ERBB4: variants seen among roughly 807,000 people sequenced by gnomAD.
The protein encoded by ERBB4 is receptor tyrosine-protein kinase erbB-4.
A neutral mutation model predicts 158.0 loss-of-function variants in ERBB4; 42 were observed. That is an observed-to-expected ratio of 0.27 (90% CI 0.21 to 0.34). The LOEUF (loss-of-function observed/expected upper bound fraction) is 0.34, where lower values mean the gene tolerates loss of function less well. ERBB4 is among the 10% of genes least tolerant of loss of function. The pLI, the probability that ERBB4 is intolerant of heterozygous loss-of-function variation, is 1.00. For synonymous variants in ERBB4, 583 were observed against 558.7 expected, an observed-to-expected ratio of 1.04 and a Z score of -0.61; for missense variants, 1,333 against 1,624.1, an observed-to-expected ratio of 0.82 and a Z score of 3.08.
intron 20 of ERBB4, among the ~76,000 whole-genome samples, chr2:211,560,526 G>A (rs570223010): frequency 2.0e-5 from 3 of 151,732 alleles, no homozygotes; most frequent in South Asian, 2.1e-4. Flanking sequence ...CACCTGCCTC[G>A]GCCCCCCAAA....
chr2:211,990,491 C>A (rs888778061), intron 2 of ERBB4, among the ~76,000 whole-genome samples: 3 of 150,778 alleles, frequency 2.0e-5, no homozygotes. Context: ...ATCATTGCAC[C>A]ACATTTGAAG....
intron 2 of ERBB4, among the ~76,000 whole-genome samples, chr2:212,079,300 C>T (rs879423647): frequency 3.3e-5 from 5 of 151,816 alleles, no homozygotes; most frequent in South Asian, 2.1e-4. Flanking sequence ...CATTCTTAAT[C>T]GCTCTATTTT....
chr2:212,335,733 A>T (rs1456760439), intron 1 of ERBB4, among the ~76,000 whole-genome samples: 1 of 152,030 alleles, frequency 6.6e-6, no homozygotes, highest in African/African-American at 2.4e-5. Flanking sequence ...AAAGAACGAG[A>T]TACTATGAAA....
intron 1 of ERBB4, among the ~76,000 whole-genome samples, chr2:212,497,619 T>C (rs1468148314): frequency 6.6e-6 from 1 of 152,182 alleles, no homozygotes; most frequent in Non-Finnish European, 1.5e-5. Context: ...TTTTGGAACA[T>C]ACAAGTCCTA....
intron 4 of ERBB4, among the ~76,000 whole-genome samples, chr2:211,772,838 C>CACATATAT (rs1450348069): frequency 1.6e-4 from 3 of 18,304 alleles, no homozygotes; most frequent in African/African-American, 7.9e-4. Flanking sequence ...TATATATACA[C>CACATATAT]ATATATATAT....
intron 20 of ERBB4, among the ~76,000 whole-genome samples, chr2:211,490,121 T>C (rs1381108499): frequency 6.6e-6 from 1 of 152,070 alleles, no homozygotes; most frequent in Non-Finnish European, 1.5e-5. Context: ...CTTCATTGGG[T>C]AAAGATATAA....
In ERBB4 at chr2:211,938,659, A is replaced by C. The variant is rs573615548; in HGVS notation, c.421+8771T>G. 5.3e-5 allele frequency among the ~76,000 whole-genome samples: 8 copies of C among 152,238 alleles called. No individual in the cohort carries two copies. The South Asian group carries it at 1.2e-3, about 24-fold the overall frequency. ...TTGGACAGTGCAGCTTTTGAGAAGA[A>C]TAGACATGCTTGACTATAAAAATAA... On this transcript the variant is annotated intron_variant, in intron 3 of 27. Coordinates refer to ENST00000342788, the MANE Select transcript of ERBB4 (RefSeq NM_005235.3).
At chr2:212,417,017 C>T (rs1238876078) in intron 1 of ERBB4, among the ~76,000 whole-genome samples, 1 of 151,728 alleles carries the variant, frequency 6.6e-6, no homozygotes, top group Non-Finnish European at 1.5e-5. Context: ...AAGTATACTA[C>T]CTAAAGGAGA....
intron 2 of ERBB4, among the ~76,000 whole-genome samples, chr2:211,995,015 G>A (rs576883608): frequency 1.2e-4 from 18 of 152,050 alleles, no homozygotes; most frequent in Non-Finnish European, 2.4e-4. Context: ...ATGGATCACC[G>A]CCATCATTCC....
intron 2 of ERBB4, among the ~76,000 whole-genome samples, chr2:212,058,073 T>C (rs918919784): frequency 2.0e-5 from 3 of 152,024 alleles, no homozygotes; most frequent in Non-Finnish European, 4.4e-5. Flanking sequence ...AAGAATCAAA[T>C]AGACGCAGAC....
At chr2:212,103,521 C>A (rs2079141539) in intron 2 of ERBB4, among the ~76,000 whole-genome samples, 1 of 152,020 alleles carries the variant, frequency 6.6e-6, no homozygotes, top group South Asian at 2.1e-4. Context: ...TCTTCCAAAT[C>A]TTGTGCATGT....
intron 1 of ERBB4, among the ~76,000 whole-genome samples, chr2:212,369,942 A>G (rs1313082840): frequency 2.0e-5 from 3 of 152,168 alleles, no homozygotes; most frequent in African/African-American, 7.2e-5. Context: ...CATGTCTTCA[A>G]ATGTTTTTAG....
intron 1 of ERBB4, among the ~76,000 whole-genome samples, chr2:212,268,305 A>C (rs541757569): frequency 6.6e-6 from 1 of 152,006 alleles, no homozygotes; most frequent in Non-Finnish European, 1.5e-5. Flanking sequence ...GATTTTAAGA[A>C]AAGTGAGATA....
chr2:211,621,249 G>C (rs1281050219), intron 18 of ERBB4, among the ~76,000 whole-genome samples: 1 of 147,296 alleles, frequency 6.8e-6, no homozygotes, highest in Non-Finnish European at 1.5e-5. Context: ...ACTATTTTCT[G>C]GGACTGACTA....
intron 3 of ERBB4, among the ~76,000 whole-genome samples, chr2:211,812,897 G>GA (rs1364510824): frequency 1.3e-5 from 2 of 152,178 alleles, no homozygotes; most frequent in Non-Finnish European, 1.5e-5. Flanking sequence ...AAGACCTTTG[G>GA]AAAAATGCAG....
At chr2:211,893,245 A>G (rs1303142344) in intron 3 of ERBB4, among the ~76,000 whole-genome samples, 4 of 144,556 alleles carry the variant, frequency 2.8e-5, no homozygotes, top group Non-Finnish European at 6.0e-5. Context: ...GAGCCCTCAG[A>G]AATAACACCG....
At chr2:211,735,868 T>C (rs1268461257) in intron 5 of ERBB4, among the ~76,000 whole-genome samples, 1 of 151,740 alleles carries the variant, frequency 6.6e-6, no homozygotes, top group East Asian at 1.9e-4. Flanking sequence ...AAAAAGATAA[T>C]CAGGCCAAGC....
At chr2:212,166,731 T>C (rs189132498) in intron 1 of ERBB4, among the ~76,000 whole-genome samples, 276 of 152,214 alleles carry the variant, frequency 1.8e-3, no homozygotes, top group African/African-American at 6.2e-3. Context: ...ATGATACTGG[T>C]ACCAAAACAG....
intron 1 of ERBB4, among the ~76,000 whole-genome samples, chr2:212,457,387 C>T (rs768279955): frequency 2.0e-5 from 3 of 151,910 alleles, no homozygotes; most frequent in African/African-American, 2.4e-5. Context: ...CAGATATTTC[C>T]AACCCCTTCT....
Sources: allele counts gnomAD v4.1 joint callset (sites outside exome capture counted in the v4.1 genomes callset), GRCh38; gene constraint gnomAD v4.1.1; transcripts MANE v1.5; gene names NCBI Gene and HGNC (gene_info 2026-07-23, HGNC 2026-07-21).